SNAPC4: variants seen among roughly 807,000 people sequenced by gnomAD.
The protein encoded by SNAPC4 is small nuclear RNA activating complex polypeptide 4.
A neutral mutation model predicts 151.3 loss-of-function variants in SNAPC4; 127 were observed. The observed-to-expected ratio is 0.84, with a 90% CI of 0.73 to 0.97. The LOEUF (loss-of-function observed/expected upper bound fraction) is 0.97, where lower values mean the gene tolerates loss of function less well. Ranked by LOEUF, SNAPC4 falls within the 50% of genes least tolerant of loss-of-function variation. SNAPC4 has a pLI of 0.00. For missense variants in SNAPC4, 2,186 were observed against 1,935.0 expected, an observed-to-expected ratio of 1.13 and a Z score of -2.43; for synonymous variants, 1,002 against 824.4, an observed-to-expected ratio of 1.22 and a Z score of -3.69.
At chr9:136,381,039 G>A (rs1037684103) in intron 19 of SNAPC4, among the ~76,000 whole-genome samples, 189 bp from the exon 20 acceptor site, 2 of 152,182 alleles carry the variant, frequency 1.3e-5, no homozygotes, top group Non-Finnish European at 2.9e-5. Context: ...GGCCTCCCAT[G>A]AGACCCAGGC....
rs771878991 is a variant in SNAPC4 at position 136,394,792 on chromosome 9, G to C, written c.550+8C>G. The C allele has an allele frequency of 1.1e-5, 18 of 1,613,368 alleles. No individual in the cohort carries two copies. The East Asian group carries it at 3.8e-4, about 34-fold the overall frequency. On this transcript the variant is annotated splice_region_variant and intron_variant, in intron 6 of 23. Coordinates refer to ENST00000684778, the MANE Select transcript of SNAPC4 (RefSeq NM_003086.4). Reference sequence around the variant, plus strand: ...CAGGGGTGCCGCAGGGCCGGCCAGGGCTCTTACATTTGGTCACAAGGAGCT... The same window carrying C: ...CAGGGGTGCCGCAGGGCCGGCCAGGCCTCTTACATTTGGTCACAAGGAGCT...
At position 136,392,922 on chromosome 9, in the gene SNAPC4, T is replaced by C. The variant is rs111758761; in HGVS notation, c.633-145A>G. The C allele has an allele frequency of 3.0e-3, 2,040 of 677,314 alleles. 21 individuals carry two copies. Among genetic ancestry groups the C allele is most frequent in the African/African-American group, 0.028 (1,552 of 56,194 alleles). The allele number at this position is 677,314 out of a possible 1,614,324, so 42.0% of individuals were successfully genotyped here. On this transcript the variant is annotated intron_variant, in intron 7 of 23. Transcript: ENST00000684778. ...CTCCCTGCCTCGGCCTCCTCACCCA[T>C]GAGGGAAGCTGTAGCACCCACCTCC...
intron 22 of SNAPC4, among the ~76,000 whole-genome samples, chr9:136,376,999 G>GGGA (rs1833470135): frequency 6.6e-6 from 1 of 152,222 alleles, no homozygotes; most frequent in South Asian, 2.1e-4. Context: ...CTGGCACCAG[G>GGGA]GGAGGAGGCC....
chr9:136,399,308 G>A (rs777258547), intron 1 of SNAPC4, among the ~76,000 whole-genome samples: 1 of 152,198 alleles, frequency 6.6e-6, no homozygotes, highest in Non-Finnish European at 1.5e-5. Context: ...ACCGTTAGCC[G>A]CATCAGCAGC....
At chr9:136,391,312 T>C (rs1304342526) in intron 10 of SNAPC4, among the ~76,000 whole-genome samples, 1 of 152,168 alleles carries the variant, frequency 6.6e-6, no homozygotes, top group African/African-American at 2.4e-5. Flanking sequence ...TTTATACATC[T>C]CGCCCCTAGT....
intron 2 of SNAPC4, 140 bp from the exon 3 acceptor site, chr9:136,397,163 C>A: frequency 1.3e-6 from 1 of 763,912 alleles, no homozygotes. Flanking sequence ...GGTGAGCGGA[C>A]CTTCCCTCCC....
chr9:136,381,683 C>G (rs1355170856), intron 18 of SNAPC4, 141 bp downstream of exon 18: 5 of 1,045,440 alleles, frequency 4.8e-6, no homozygotes, highest in Non-Finnish European at 6.9e-6. Flanking sequence ...GGACGGGAAG[C>G]TGACCAGAGG....
chr9:136,378,404 G>C lies in SNAPC4; in HGVS notation c.3423C>G (p.Asn1141Lys), dbSNP rs1833549782. The change falls in exon 22 of 24, where the codon AAC becomes AAG. Residue 1141 changes from asparagine (N) to lysine (K), a missense_variant. Asn to Lys is a moderately conservative substitution (Grantham distance 94). Transcript: ENST00000684778. Reference sequence around the variant, plus strand: ...TCCTGCAGGAAGGCTCCGGTTCCCTGTTCATATTGGCTGGGGGCTGCCAAG... The same window carrying C: ...TCCTGCAGGAAGGCTCCGGTTCCCTCTTCATATTGGCTGGGGGCTGCCAAG... ...SSSWQPPANM[N>K]REPEPSCRTD... 6.2e-7 allele frequency: 1 copy of C among 1,607,124 alleles called. No homozygotes were observed. Among genetic ancestry groups the C allele is most frequent in the South Asian group, 1.1e-5 (1 of 90,778 alleles).
chr9:136,396,987 G>T lies in SNAPC4; in HGVS notation c.167C>A (p.Pro56His), dbSNP rs1349427622. ...LPSEDLDPAD[P>H]PISEEERWGE... ...CAGGCCAACAGTTACCGAGATCGGGGGATCGGCAGGATCCAAGTCCTCAGA... is the reference window on the plus strand; with the variant it reads ...CAGGCCAACAGTTACCGAGATCGGGTGATCGGCAGGATCCAAGTCCTCAGA... The change falls in exon 3 of 24, where the codon CCC (proline) becomes CAC (histidine). Residue 56 changes from proline to histidine, a missense_variant. By Grantham distance (77) the Pro-to-His change is moderately conservative. Transcript: ENST00000684778. 1 of 1,612,912 alleles carries T rather than the reference G, an allele frequency of 6.2e-7. No individual in the cohort carries two copies. Among genetic ancestry groups the T allele is most frequent in the Admixed American group, 1.7e-5 (1 of 60,028 alleles).
At chr9:136,394,401 T>C in intron 6 of SNAPC4, 71 bp from the exon 7 acceptor site, 1 of 1,393,582 alleles carries the variant, frequency 7.2e-7, no homozygotes, top group Non-Finnish European at 1.0e-6. Context: ...ACGGTTGGTG[T>C]GCACTTCCCG....
rs1833786316 is a variant in SNAPC4, at chr9:136,383,596, C to CGCT, written c.1570_1572dup (p.Ser524dup). On this transcript the variant is annotated inframe_insertion, in exon 16 of 24. Coordinates refer to ENST00000684778, the MANE Select transcript of SNAPC4 (RefSeq NM_003086.4). This position sits in a 1 kb window ranked among gnomAD's most constrained non-coding sequence, Gnocchi z 4.2. ...CCTCCACTGCTGCCACTGCTGCTGC[C>CGCT]GCTGCTGCTGGTAGAGCTCCACCGG... 6.2e-7 allele frequency: 1 copy of CGCT among 1,611,434 alleles called. No homozygotes were observed. Among genetic ancestry groups the CGCT allele is most frequent in the Non-Finnish European group, 8.5e-7 (1 of 1,179,356 alleles).
chr9:136,387,968 T>C (rs1044798898), intron 11 of SNAPC4, 120 bp from the exon 12 acceptor site: 5 of 673,064 alleles, frequency 7.4e-6, no homozygotes, highest in East Asian at 5.2e-5. Flanking sequence ...ATGGGTCACA[T>C]AGAAAAGAAT....
At position 136,398,366 on chromosome 9, in the gene SNAPC4, CA is replaced by C. The variant is rs1588771368; in HGVS notation, c.62del (p.Leu21TrpfsTer69). The C allele has an allele frequency of 6.2e-7, 1 of 1,613,980 alleles. No homozygotes were observed. ...CGTGGGAGCCCGAGGAGCCGGGATC[CA>C]AAATCCTTTCCAGCTCCTTGATCTC... ...TQEIKELERI[L>X]DPGSSGSHVE... is the part of the protein sequence containing the mutation. On this transcript the variant is annotated frameshift_variant, in exon 2 of 24. Transcript: ENST00000684778. LOFTEE classifies it high-confidence loss of function.
intron 1 of SNAPC4, among the ~76,000 whole-genome samples, chr9:136,399,928 G>A (rs1334916589): frequency 2.0e-5 from 3 of 152,074 alleles, no homozygotes; most frequent in Non-Finnish European, 4.4e-5. Context: ...GCTCCCAGCC[G>A]AGGGGCTCCC....
chr9:136,392,178 A>AG, intron 9 of SNAPC4, 72 bp from the exon 10 acceptor site: 1 of 1,575,274 alleles, frequency 6.3e-7, no homozygotes, highest in Non-Finnish European at 8.7e-7. Context: ...CTCCAGGCTG[A>AG]GCTGTTGCTC....
Position 136,379,012 on chromosome 9 carries a change from C to G in SNAPC4, c.2815G>C (p.Gly939Arg). The G allele has an allele frequency of 1.2e-6, 2 of 1,604,820 alleles. No homozygotes were observed. The highest frequency in any genetic ancestry group is 2.2e-5 in the South Asian group (2 of 89,526). ...ACGGTGGGACCCGGGGCTGGGCGGC[C>G]GTGTGGGGTGTGTGGTAGAGGGGGC... is the stretch of plus-strand genomic sequence containing the variant. ...LQPPLPHTPH[G>R]RPAPGPTVLN... Residue 939 changes from glycine (G) to arginine (R), a missense_variant, in exon 22 of 24, where the codon GGC becomes CGC. Physicochemically the swap from Gly to Arg is moderately radical, Grantham distance 125. Coordinates refer to ENST00000684778, the MANE Select transcript of SNAPC4 (RefSeq NM_003086.4).
chr9:136,382,357 G>A, intron 16 of SNAPC4, 21 bp from the exon 17 acceptor site: 1 of 1,609,558 alleles, frequency 6.2e-7, no homozygotes, highest in Non-Finnish European at 8.5e-7. Context: ...AGCTGCCTGA[G>A]GCGAGGCACG....
chr9:136,400,167 C>T lies in SNAPC4; in HGVS notation c.-43G>A, dbSNP rs1834408548. ...GCGGACCCCGCCGTCGCCCGGGCGA[C>T]TGCAGACTCGACGCTTCCGGCGGCT... On this transcript the variant is annotated 5_prime_UTR_variant, in exon 1 of 24. Coordinates refer to ENST00000684778, the MANE Select transcript of SNAPC4 (RefSeq NM_003086.4). The T allele has an allele frequency of 6.6e-6, 1 of 152,138 alleles. No individual in the cohort carries two copies. The highest frequency in any genetic ancestry group is 1.5e-5 in the Non-Finnish European group (1 of 68,012). The allele number at this position is 152,138 out of a possible 1,614,324, so 9.4% of individuals were successfully genotyped here. A position where few individuals can be genotyped will look rare whatever the true frequency, so the allele number is the denominator to read the frequency against.
chr9:136,376,579 TC>T, intron 22 of SNAPC4, 98 bp from the exon 23 acceptor site: 2 of 1,457,274 alleles, frequency 1.4e-6, no homozygotes, highest in Non-Finnish European at 1.9e-6. Flanking sequence ...TGGGTGAGTG[TC>T]CCACTTGGGA....
Sources: gnomAD v4.1 joint callset for allele counts (sites outside exome capture counted in the v4.1 genomes callset) on GRCh38, gnomAD v4.1.1 for gene constraint, Gnocchi (gnomAD v3.1) non-coding constraint, MANE v1.5 for transcripts, NCBI Gene and HGNC (gene_info 2026-07-23, HGNC 2026-07-21) for gene names.